KIAA1671: variants seen among roughly 807,000 people sequenced by gnomAD.
KIAA1671 encodes the protein uncharacterized protein KIAA1671.
KIAA1671 carries 52 observed loss-of-function variants against 131.2 expected under a neutral mutation model. That is an observed-to-expected ratio of 0.40 (90% confidence interval 0.32 to 0.50). KIAA1671 has a LOEUF of 0.50. KIAA1671 is among the 20% of genes least tolerant of loss of function. KIAA1671 has a pLI of 0.73. For missense variants in KIAA1671, 2,360 were observed against 2,364.2 expected (o/e 1.00, Z 0.04); for synonymous variants, 1,003 against 961.6 (o/e 1.04, Z -0.80).
chr22:24,985,622 AGCCAGCGC>A (rs1923481880), intron 1 of KIAA1671, among the ~76,000 whole-genome samples: 1 of 152,106 alleles, frequency 6.6e-6, no homozygotes, highest in Non-Finnish European at 1.5e-5. Flanking sequence ...TACAGGCGTG[AGCCAGCGC>A]GCCTAGCCTT....
chr22:25,150,745 T>C (rs1350686034), intron 6 of KIAA1671, among the ~76,000 whole-genome samples: 1 of 152,020 alleles, frequency 6.6e-6, no homozygotes, highest in Non-Finnish European at 1.5e-5. Flanking sequence ...AATTGGGGGC[T>C]GAACAGCACC....
At chr22:25,153,715 C>G (rs1465833424) in intron 6 of KIAA1671, among the ~76,000 whole-genome samples, 2 of 152,208 alleles carry the variant, frequency 1.3e-5, no homozygotes, top group Non-Finnish European at 2.9e-5. Context: ...CGCCTAGAGT[C>G]CTGGGCACTC....
intron 6 of KIAA1671, among the ~76,000 whole-genome samples, chr22:25,151,593 G>A (rs1933047154): frequency 6.6e-6 from 1 of 151,680 alleles, no homozygotes; most frequent in African/African-American, 2.4e-5. Flanking sequence ...CACCACACCT[G>A]GCTAATTTTT....
chr22:24,965,116 AAAG>A (rs1922225872), intron 1 of KIAA1671, among the ~76,000 whole-genome samples: 1 of 135,888 alleles, frequency 7.4e-6, no homozygotes, highest in Non-Finnish European at 1.6e-5. Context: ...AAAAAAAAAA[AAAG>A]GGAGACCTCG....
chr22:25,176,895 A>G (rs1021597564), intron 8 of KIAA1671: 1 of 153,208 alleles, frequency 6.5e-6, no homozygotes, highest in African/African-American at 2.4e-5. Flanking sequence ...TCCACGGAGA[A>G]CGTCTCAACC....
At position 25,039,604 on chromosome 22, in the gene KIAA1671, G is replaced by A. The variant is rs1247935084; in HGVS notation, c.2474G>A (p.Gly825Glu). The A allele has an allele frequency of 7.3e-5, 113 of 1,551,436 alleles. 1 individual carries two copies. In the Admixed American group the frequency reaches 2.1e-3, roughly 29 times the overall value. ...GNCPFPKWTGGAVVSSHKATV... is the reference protein window; with the variant it reads ...GNCPFPKWTGEAVVSSHKATV... Reference sequence around the variant, plus strand: ...TGCCCGTTTCCCAAATGGACAGGCGGGGCAGTGGTGAGCTCGCACAAAGCC... The same window carrying A: ...TGCCCGTTTCCCAAATGGACAGGCGAGGCAGTGGTGAGCTCGCACAAAGCC... Residue 825 changes from glycine to glutamate, a missense_variant, in exon 5 of 13, where the codon GGG becomes GAG. Physicochemically the swap from Gly to Glu is moderately conservative, Grantham distance 98. Coordinates refer to ENST00000358431, the MANE Select transcript of KIAA1671 (RefSeq NM_001145206.2).
rs144735346 is a variant in KIAA1671, at chr22:24,965,032, C to G, written c.-208+12260C>G. Reference sequence around the variant, plus strand: ...CTGCAGAAAGAAGATGACAAAATTTCTTCCATGAGGTCATTGTAAGATTAG... The same window carrying G: ...CTGCAGAAAGAAGATGACAAAATTTGTTCCATGAGGTCATTGTAAGATTAG... On this transcript the variant is annotated intron_variant, in intron 1 of 12. Coordinates refer to ENST00000358431, the MANE Select transcript of KIAA1671 (RefSeq NM_001145206.2). 5.3e-3 allele frequency among the ~76,000 whole-genome samples: 798 copies of G among 151,422 alleles called. 6 individuals are homozygous for G. The highest frequency in any genetic ancestry group is 7.9e-3 in the Non-Finnish European group (538 of 67,958).
chr22:25,002,654 G>T (rs958306672), intron 1 of KIAA1671, among the ~76,000 whole-genome samples: 1 of 152,206 alleles, frequency 6.6e-6, no homozygotes, highest in South Asian at 2.1e-4. Flanking sequence ...TGCATCTAGA[G>T]GTGAATGCTG....
At chr22:24,977,371 CTG>C (rs1315415487) in intron 1 of KIAA1671, among the ~76,000 whole-genome samples, 2 of 152,198 alleles carry the variant, frequency 1.3e-5, no homozygotes, top group Non-Finnish European at 2.9e-5. Flanking sequence ...GCGCTGTTGT[CTG>C]CTCCCCCAGA....
At chr22:25,003,400 A>ATTTTTTTTTTTT (rs71191013) in intron 1 of KIAA1671, among the ~76,000 whole-genome samples, 13 of 113,844 alleles carry the variant, frequency 1.1e-4, no homozygotes, top group African/African-American at 5.5e-4. Context: ...ACTTGGAGAG[A>ATTTTTTTTTTTT]TTTTTTTTTT....
At chr22:25,017,393 A>G (rs1925387476) in intron 1 of KIAA1671, among the ~76,000 whole-genome samples, 1 of 152,046 alleles carries the variant, frequency 6.6e-6, no homozygotes, top group East Asian at 1.9e-4. Flanking sequence ...AAACAAACAA[A>G]AAAAGGGGGT....
chr22:25,013,755 G>A (rs1442789511), intron 1 of KIAA1671: 2 of 152,218 alleles, frequency 1.3e-5, no homozygotes, highest in Admixed American at 1.3e-4. Context: ...GACACACACA[G>A]CCTCTGGGCT....
At chr22:24,996,995 A>C (rs1924174592) in intron 1 of KIAA1671, among the ~76,000 whole-genome samples, 1 of 152,214 alleles carries the variant, frequency 6.6e-6, no homozygotes, top group Admixed American at 6.5e-5. Flanking sequence ...TACCTTCTGT[A>C]TGCCAGGGGC....
intron 6 of KIAA1671, among the ~76,000 whole-genome samples, chr22:25,075,763 G>A (rs1929071176): frequency 7.2e-6 from 1 of 138,288 alleles, no homozygotes; most frequent in Non-Finnish European, 1.5e-5. Flanking sequence ...ACTGCACCCA[G>A]TCATCAGTGC....
intron 6 of KIAA1671, among the ~76,000 whole-genome samples, chr22:25,066,341 G>T (rs963454515): frequency 6.6e-6 from 1 of 152,046 alleles, no homozygotes; most frequent in African/African-American, 2.4e-5. Context: ...TAGACACAGG[G>T]TCTTATGATG....
chr22:25,161,808 G>A (rs960196948), intron 6 of KIAA1671, among the ~76,000 whole-genome samples: 5 of 152,148 alleles, frequency 3.3e-5, no homozygotes, highest in South Asian at 2.1e-4. Flanking sequence ...GATGCACTTC[G>A]GGATGGCCTG....
chr22:25,098,817 C>T (rs1021664979), intron 6 of KIAA1671, among the ~76,000 whole-genome samples: 1 of 152,192 alleles, frequency 6.6e-6, no homozygotes, highest in African/African-American at 2.4e-5. Context: ...TGCCCCATTC[C>T]CTGCCCTCTC....
intron 5 of KIAA1671, 54 bp downstream of exon 5, chr22:25,041,579 T>A (rs1479629884): frequency 1.6e-5 from 24 of 1,457,458 alleles, no homozygotes; most frequent in Non-Finnish European, 2.0e-5. Flanking sequence ...ACATCTAGTC[T>A]AGGGGGCCGA....
At chr22:25,175,035 G>A (rs952810168) in intron 8 of KIAA1671, 1 of 152,688 alleles carries the variant, frequency 6.5e-6, no homozygotes, top group African/African-American at 2.4e-5. Context: ...CCAGGGGACA[G>A]TCCCTAGCAC....
Sources: gnomAD v4.1 joint callset for allele counts (sites outside exome capture counted in the v4.1 genomes callset) on GRCh38, gnomAD v4.1.1 for gene constraint, MANE v1.5 for transcripts, NCBI Gene and HGNC (gene_info 2026-07-23, HGNC 2026-07-21) for gene names.